Variants in AGPAT3 observed in about 807,000 individuals in gnomAD.
AGPAT3 encodes 1-acylglycerol-3-phosphate O-acyltransferase 3.
AGPAT3 carries 5 observed loss-of-function variants against 47.3 expected under a neutral mutation model. The observed-to-expected ratio is 0.11, with a 90% CI of 0.06 to 0.22. The LOEUF is 0.22. Ranked by LOEUF, AGPAT3 falls within the 10% of genes least tolerant of loss-of-function variation. The probability of loss-of-function intolerance (pLI) is 1.00; values close to 1 mark genes in which losing one functional copy is unlikely to be tolerated. For synonymous variants in AGPAT3, 212 were observed against 208.3 expected (o/e 1.02, Z -0.15); for missense variants, 315 against 493.0 (o/e 0.64, Z 3.42).
intron 2 of AGPAT3, among the ~76,000 whole-genome samples, chr21:43,929,058 G>A (rs1342912315): frequency 3.3e-5 from 5 of 152,234 alleles, no homozygotes; most frequent in Admixed American, 1.3e-4. Context: ...AACTCCGTGC[G>A]TTCTCGTTAT....
intron 1 of AGPAT3, among the ~76,000 whole-genome samples, chr21:43,889,424 C>T (rs1420720788): frequency 6.6e-6 from 1 of 152,026 alleles, no homozygotes; most frequent in Non-Finnish European, 1.5e-5. Context: ...GTGGCTTTCC[C>T]CTTTTGATTT....
At chr21:43,871,462 C>G (rs2085623214) in intron 1 of AGPAT3, among the ~76,000 whole-genome samples, 1 of 152,236 alleles carries the variant, frequency 6.6e-6, no homozygotes, top group South Asian at 2.1e-4. Context: ...CAGAATGCAT[C>G]CATACATTTA....
rs1344599440 is a variant in AGPAT3, at chr21:43,952,843, G to GCCA, written c.-48-6789_-48-6788insACC. Among the ~76,000 whole-genome samples the GCCA allele has an allele frequency of 6.6e-6, 1 of 152,040 alleles. No individual in the cohort carries two copies. Among genetic ancestry groups the GCCA allele is most frequent in the Non-Finnish European group, 1.5e-5 (1 of 67,994 alleles). On this transcript the variant is annotated intron_variant, in intron 2 of 9. Coordinates refer to ENST00000291572, the MANE Select transcript of AGPAT3 (RefSeq NM_020132.5). The surrounding 1 kb of genome is among the most constrained non-coding windows in gnomAD (Gnocchi z 5.6). ...GCCCCAGCCCCAGAAATCAGATGGAGCCCCAGAGGTCCCACCCCTGAGGTC... is the reference window on the plus strand; with the variant it reads ...GCCCCAGCCCCAGAAATCAGATGGAGCCACCCCAGAGGTCCCACCCCTGAGGTC...
intron 4 of AGPAT3, 31 bp downstream of exon 4, chr21:43,968,146 G>A: frequency 1.3e-6 from 2 of 1,594,520 alleles, no homozygotes; most frequent in South Asian, 2.2e-5. Context: ...GGCCACGGGT[G>A]AGCAGGAGGG....
chr21:43,971,393 G>A lies in AGPAT3; in HGVS notation c.670G>A (p.Ala224Thr), dbSNP rs760773868. 6.2e-7 allele frequency: 1 copy of A among 1,614,174 alleles called. No homozygotes were observed. The highest frequency in any genetic ancestry group is 2.2e-5 in the East Asian group (1 of 44,880). The change falls in exon 7 of 10, where the codon GCT becomes ACT. Residue 224 changes from alanine to threonine, a missense_variant. Coordinates refer to ENST00000291572, the MANE Select transcript of AGPAT3 (RefSeq NM_020132.5). ...CCTCCCGTCTCCTCCCACAGTCGCA[G>A]CTGTCTATGATGTAACCCTGAACTT... ...AVKCLRGTVAAVYDVTLNFRG... is the reference protein window; with the variant it reads ...AVKCLRGTVATVYDVTLNFRG...
chr21:43,933,258 G>A lies in AGPAT3; in HGVS notation c.-48-26376G>A, dbSNP rs1218529591. Among the ~76,000 whole-genome samples the A allele has an allele frequency of 6.6e-6, 1 of 152,080 alleles. No homozygotes were observed. The highest frequency in any genetic ancestry group is 2.4e-5 in the African/African-American group (1 of 41,406). On this transcript the variant is annotated intron_variant, in intron 2 of 9. Coordinates refer to ENST00000291572, the MANE Select transcript of AGPAT3 (RefSeq NM_020132.5). This position sits in a 1 kb window ranked among gnomAD's most constrained non-coding sequence, Gnocchi z 6.0. ...CTTTGCTGTTTGCTTTCTTGCTATT[G>A]AGTCTGAGCCCCTTTACCCTGTGGA...
chr21:43,917,834 GGTGTT>G (rs112239848), intron 2 of AGPAT3, among the ~76,000 whole-genome samples: 30,795 of 113,500 alleles, frequency 0.27, 4,479 homozygotes, highest in East Asian at 0.43. Context: ...GGGGGTTGTG[GGTGTT>G]GTGTTGTGGG....
intron 2 of AGPAT3, among the ~76,000 whole-genome samples, chr21:43,916,753 G>A (rs551107968): frequency 1.4e-4 from 21 of 152,234 alleles, no homozygotes; most frequent in Admixed American, 3.9e-4. Flanking sequence ...TGGTCATTTT[G>A]TGTATTTTAG....
chr21:43,877,480 T>C (rs1297469748), intron 1 of AGPAT3, among the ~76,000 whole-genome samples: 1 of 152,096 alleles, frequency 6.6e-6, no homozygotes, highest in Non-Finnish European at 1.5e-5. Flanking sequence ...TTCACTCTTG[T>C]TGCCCAGTCT....
chr21:43,866,409 A>G (rs2085508300), intron 1 of AGPAT3, among the ~76,000 whole-genome samples: 1 of 152,128 alleles, frequency 6.6e-6, no homozygotes, highest in Non-Finnish European at 1.5e-5. Flanking sequence ...CGGCGGGCCC[A>G]GGCTGCTAGA....
chr21:43,896,965 T>TTTTTTTTTTA, intron 1 of AGPAT3, among the ~76,000 whole-genome samples: 1 of 147,746 alleles, frequency 6.8e-6, no homozygotes, highest in African/African-American at 2.5e-5. Context: ...TTTTTTTTTT[T>TTTTTTTTTTA]TTTCAGTATT....
intron 3 of AGPAT3, among the ~76,000 whole-genome samples, chr21:43,961,755 CTT>C (rs1414015736): frequency 2.8e-4 from 42 of 151,976 alleles, no homozygotes; most frequent in Admixed American, 4.6e-4. Context: ...CGCGTATACA[CTT>C]TGTCTCATGT....
chr21:43,929,570 G>A (rs1474886277), intron 2 of AGPAT3, among the ~76,000 whole-genome samples: 3 of 152,244 alleles, frequency 2.0e-5, no homozygotes, highest in Non-Finnish European at 4.4e-5. Flanking sequence ...CCACAGCAAA[G>A]CCACCTCCCC....
At position 43,955,644 on chromosome 21, in the gene AGPAT3, A is replaced by G. The variant is rs777355635; in HGVS notation, c.-48-3990A>G. 4.0e-5 allele frequency among the ~76,000 whole-genome samples: 6 copies of G among 151,612 alleles called. No individual in the cohort carries two copies. Among genetic ancestry groups the G allele is most frequent in the Non-Finnish European group, 7.4e-5 (5 of 67,886 alleles). ...GTCATGACTGGGTGCGGTGGCTCAC[A>G]CCTGTAATCCCAGCGCTTTGGGAGG... On this transcript the variant is annotated intron_variant, in intron 2 of 9. Coordinates refer to ENST00000291572, the MANE Select transcript of AGPAT3 (RefSeq NM_020132.5). This position sits in a 1 kb window ranked among gnomAD's most constrained non-coding sequence, Gnocchi z 4.1.
At chr21:43,974,228 G>C (rs1288928543) in intron 7 of AGPAT3, among the ~76,000 whole-genome samples, 1 of 151,784 alleles carries the variant, frequency 6.6e-6, no homozygotes, top group East Asian at 1.9e-4. Flanking sequence ...TTATCTATGT[G>C]TGTATAAATT....
At chr21:43,907,111 A>C (rs1196045229) in intron 2 of AGPAT3, among the ~76,000 whole-genome samples, 1 of 142,752 alleles carries the variant, frequency 7.0e-6, no homozygotes, top group East Asian at 2.0e-4. Context: ...AGGTCACTTC[A>C]GCCTTGAGCT....
At chr21:43,868,300 G>A (rs1269291855) in intron 1 of AGPAT3, among the ~76,000 whole-genome samples, 2 of 152,206 alleles carry the variant, frequency 1.3e-5, no homozygotes, top group Admixed American at 6.5e-5. Context: ...ATTGCAGATA[G>A]GATATGTTTT....
At chr21:43,897,247 C>T (rs554428731) in intron 1 of AGPAT3, among the ~76,000 whole-genome samples, 1 of 151,986 alleles carries the variant, frequency 6.6e-6, no homozygotes, top group Non-Finnish European at 1.5e-5. Flanking sequence ...GGACACAGCA[C>T]ATGTTTCAGA....
chr21:43,898,092 C>T (rs533025276), intron 1 of AGPAT3, among the ~76,000 whole-genome samples: 1 of 152,212 alleles, frequency 6.6e-6, no homozygotes, highest in Non-Finnish European at 1.5e-5. Context: ...TACAGTCCAG[C>T]CTCGGTAACA....
Sources: allele counts gnomAD v4.1 joint callset (sites outside exome capture counted in the v4.1 genomes callset), GRCh38; gene constraint gnomAD v4.1.1; non-coding constraint Gnocchi (gnomAD v3.1); transcripts MANE v1.5; gene names NCBI Gene and HGNC (gene_info 2026-07-23, HGNC 2026-07-21).